KLHL2: variants seen among roughly 807,000 people sequenced by gnomAD.
KLHL2 encodes kelch like family member 2, also known as kelch-like protein 2.
Under a neutral mutation model 75.8 loss-of-function variants are expected in KLHL2, and 15 were observed. The observed-to-expected ratio is 0.20, with a 90% confidence interval of 0.13 to 0.30. The LOEUF is 0.30. Ranked by LOEUF, KLHL2 falls within the 10% of genes least tolerant of loss-of-function variation. The pLI is 1.00. For missense variants in KLHL2, 381 were observed against 741.0 expected (o/e 0.51, Z 5.64); for synonymous variants, 214 against 251.9 (o/e 0.85, Z 1.42).
intron 4 of KLHL2, among the ~76,000 whole-genome samples, chr4:165,252,020 AT>A (rs1380535671): frequency 6.6e-6 from 1 of 152,190 alleles, no homozygotes; most frequent in Non-Finnish European, 1.5e-5. Context: ...GTCCTTGAAG[AT>A]GTCTCCATGG....
rs985557094 is a variant in KLHL2, at chr4:165,310,476, T to C, written c.1040-77T>C. ...GCATGTTCTGACAACAGCTATAGAT[T>C]TATCAGAAAGCAATCTTTGGATATT... On this transcript the variant is annotated intron_variant, in intron 9 of 14. Coordinates refer to ENST00000226725, the MANE Select transcript of KLHL2 (RefSeq NM_007246.4). 2.2e-5 allele frequency: 27 copies of C among 1,230,254 alleles called. No homozygotes were observed. The African/African-American group carries it at 4.0e-4, about 18-fold the overall frequency. The allele number at this position is 1,230,254 out of a possible 1,614,324, so 76.2% of individuals were successfully genotyped here.
chr4:165,283,337 C>A (rs7699241), intron 5 of KLHL2, among the ~76,000 whole-genome samples: 1 of 152,108 alleles, frequency 6.6e-6, no homozygotes, highest in South Asian at 2.1e-4. Flanking sequence ...AAGTCCCTTT[C>A]GCCTATGAGC....
At chr4:165,297,774 G>T (rs1745026821) in intron 7 of KLHL2, 49 bp downstream of exon 7, 1 of 1,078,180 alleles carries the variant, frequency 9.3e-7, no homozygotes, top group Non-Finnish European at 1.4e-6. Flanking sequence ...TGTGTCACTG[G>T]CCTGACAGCA....
intron 1 of KLHL2, chr4:165,210,250 G>C (rs999387373): frequency 7.1e-7 from 1 of 1,414,910 alleles, no homozygotes; most frequent in Non-Finnish European, 9.8e-7. Context: ...GGCACTGTGC[G>C]TGGTGCTTTT....
intron 4 of KLHL2, among the ~76,000 whole-genome samples, chr4:165,241,577 C>G (rs915685098): frequency 6.6e-6 from 1 of 152,068 alleles, no homozygotes; most frequent in African/African-American, 2.4e-5. Flanking sequence ...AATCTTTTAC[C>G]AGGTGACCTC....
intron 3 of KLHL2, among the ~76,000 whole-genome samples, chr4:165,237,309 T>C (rs1402881231): frequency 6.7e-6 from 1 of 149,192 alleles, no homozygotes; most frequent in Non-Finnish European, 1.5e-5. Context: ...GGAAAAACAT[T>C]TGCCGTAGCA....
At chr4:165,226,213 A>G (rs1738419329) in intron 2 of KLHL2, among the ~76,000 whole-genome samples, 1 of 152,230 alleles carries the variant, frequency 6.6e-6, no homozygotes, top group Non-Finnish European at 1.5e-5. Context: ...TATTCTAGAG[A>G]GACCATGCAT....
At chr4:165,314,685 T>A (rs751058559) in intron 13 of KLHL2, among the ~76,000 whole-genome samples, 1 of 151,980 alleles carries the variant, frequency 6.6e-6, no homozygotes, top group African/African-American at 2.4e-5. Flanking sequence ...ATGGAAAAAC[T>A]AAAGCAACAA....
chr4:165,226,941 C>T (rs1304535821), intron 2 of KLHL2, among the ~76,000 whole-genome samples: 1 of 152,060 alleles, frequency 6.6e-6, no homozygotes, highest in African/African-American at 2.4e-5. Flanking sequence ...TACCTTATAA[C>T]ATTGTGGTGG....
In KLHL2 at chr4:165,273,917, A is replaced by C. The variant is rs1197902859; in HGVS notation, c.544+10558A>C. On this transcript the variant is annotated intron_variant, in intron 5 of 14. Coordinates refer to ENST00000226725, the MANE Select transcript of KLHL2 (RefSeq NM_007246.4). ...GCTCCTTTTCTACCATAAACAAATA[A>C]TTGTTGTTTAGGTGATTTGTCTTTA... Among the ~76,000 whole-genome samples the C allele has an allele frequency of 2.0e-5, 3 of 152,138 alleles. No homozygotes were observed. In the East Asian group the frequency reaches 5.8e-4, roughly 29 times the overall value.
chr4:165,302,538 A>G (rs1579161537), intron 8 of KLHL2, among the ~76,000 whole-genome samples: 5 of 152,308 alleles, frequency 3.3e-5, no homozygotes, highest in Admixed American at 2.6e-4. Context: ...TATCTCAGAC[A>G]TTAGTTTTGG....
chr4:165,220,186 C>T, intron 2 of KLHL2, 127 bp downstream of exon 2: 2 of 1,444,958 alleles, frequency 1.4e-6, no homozygotes, highest in Non-Finnish European at 1.8e-6. Context: ...AAAGCTTTTT[C>T]TGCAAGTTTT....
At chr4:165,275,470 C>G (rs550339486) in intron 5 of KLHL2, among the ~76,000 whole-genome samples, 1 of 152,212 alleles carries the variant, frequency 6.6e-6, no homozygotes, top group Non-Finnish European at 1.5e-5. Flanking sequence ...TATTGATAGC[C>G]AAGCACATTT....
At chr4:165,214,939 A>G (rs1163453742) in intron 1 of KLHL2, among the ~76,000 whole-genome samples, 1 of 150,958 alleles carries the variant, frequency 6.6e-6, no homozygotes, top group Non-Finnish European at 1.5e-5. Flanking sequence ...GAAAAAAGAG[A>G]TAGAAGTTTT....
chr4:165,322,161 C>CTT lies in KLHL2; in HGVS notation c.*103_*104dup. On this transcript the variant is annotated 3_prime_UTR_variant, in exon 15 of 15. Transcript: ENST00000226725. ...TAGCACTTCTCCACTTGTAGCTGCA[C>CTT]TTTAAGTCTCAGCAGAAGATACGAT... is the stretch of plus-strand genomic sequence containing the variant. 9.2e-7 allele frequency: 1 copy of CTT among 1,084,700 alleles called. No individual in the cohort carries two copies. Among genetic ancestry groups the CTT allele is most frequent in the Non-Finnish European group, 1.4e-6 (1 of 701,082 alleles). 67.2% of individuals were successfully genotyped at this position (1,084,700 alleles called of 1,614,324 possible).
intron 3 of KLHL2, among the ~76,000 whole-genome samples, chr4:165,232,941 G>A (rs1739031352): frequency 8.9e-6 from 1 of 112,212 alleles, no homozygotes; most frequent in South Asian, 3.0e-4. Context: ...GTAGACCATT[G>A]GATGCTTTCA....
chr4:165,277,266 AGG>A (rs1186415598), intron 5 of KLHL2, among the ~76,000 whole-genome samples: 1 of 152,216 alleles, frequency 6.6e-6, no homozygotes, highest in Non-Finnish European at 1.5e-5. Flanking sequence ...AAATATAAAA[AGG>A]AAAGATGGAA....
intron 8 of KLHL2, 34 bp downstream of exon 8, chr4:165,299,690 A>C: frequency 6.5e-7 from 1 of 1,546,000 alleles, no homozygotes; most frequent in Non-Finnish European, 8.7e-7. Flanking sequence ...TTATTACCTC[A>C]TGCAAAAGGC....
In KLHL2 at chr4:165,285,601, T is replaced by G. The variant is rs1028046214; in HGVS notation, c.545-8758T>G. Among the ~76,000 whole-genome samples, 58 of 152,174 alleles carry G rather than the reference T, an allele frequency of 3.8e-4. No individual in the cohort carries two copies. In the Middle Eastern group the frequency reaches 0.01, roughly 27 times the overall value. On this transcript the variant is annotated intron_variant, in intron 5 of 14. Coordinates refer to ENST00000226725, the MANE Select transcript of KLHL2 (RefSeq NM_007246.4). ...TTTGTATTTTTAGTAGAGACGGGGT[T>G]TCATCATGTTGGCCAGGCTGGTATC... is the stretch of plus-strand genomic sequence containing the variant.
Sources: gnomAD v4.1 joint callset for allele counts (sites outside exome capture counted in the v4.1 genomes callset) on GRCh38, gnomAD v4.1.1 for gene constraint, MANE v1.5 for transcripts, NCBI Gene and HGNC (gene_info 2026-07-23, HGNC 2026-07-21) for gene names.